Variants in ENTPD1 observed in about 807,000 individuals in gnomAD.
ENTPD1 encodes ATP diphosphohydrolase.
Under a neutral mutation model 57.0 loss-of-function variants are expected in ENTPD1, and 33 were observed. That is an observed-to-expected ratio of 0.58 (90% confidence interval 0.44 to 0.77). The LOEUF is 0.77. Among genes scored for constraint, ENTPD1 ranks in the 30% least tolerant of loss-of-function variants. ENTPD1 has a pLI of 0.00. For missense variants in ENTPD1, 501 were observed against 603.4 expected, an observed-to-expected ratio of 0.83 and a Z score of 1.78; for synonymous variants, 202 against 218.8, an observed-to-expected ratio of 0.92 and a Z score of 0.68.
At chr10:95,804,298 A>G (rs1400659064) in intron 1 of ENTPD1, among the ~76,000 whole-genome samples, 1 of 152,162 alleles carries the variant, frequency 6.6e-6, no homozygotes, top group African/African-American at 2.4e-5. Flanking sequence ...CTTGGGCAGC[A>G]TTGATTCTTC....
chr10:95,790,016 C>T (rs968003844), intron 1 of ENTPD1, among the ~76,000 whole-genome samples: 1 of 152,166 alleles, frequency 6.6e-6, no homozygotes, highest in Non-Finnish European at 1.5e-5. Context: ...TGAATAACAA[C>T]ATGGGACCCA....
At chr10:95,849,697 C>T (rs914796080) in intron 7 of ENTPD1, among the ~76,000 whole-genome samples, 1 of 152,258 alleles carries the variant, frequency 6.6e-6, no homozygotes, top group African/African-American at 2.4e-5. Context: ...GAGGGAAATA[C>T]ATGACAAGAC....
chr10:95,876,692 A>T lies in ENTPD1; in HGVS notation c.*10309A>T. 1 of 1,198,808 alleles carries T rather than the reference A, an allele frequency of 8.3e-7. No individual in the cohort carries two copies. The highest frequency in any genetic ancestry group is 1.6e-5 in the African/African-American group (1 of 63,764). The allele number at this position is 1,198,808 out of a possible 1,614,324, so 74.3% of individuals were successfully genotyped here. ...ACAGAAACAAACAAGTTATTTTAAA[A>T]CTTATTGGAATATTCAAATATTAAC... On this transcript the variant is annotated 3_prime_UTR_variant, in exon 10 of 10. Coordinates refer to ENST00000371205, the MANE Select transcript of ENTPD1 (RefSeq NM_001776.6).
intron 2 of ENTPD1, among the ~76,000 whole-genome samples, chr10:95,825,981 A>C (rs552373576): frequency 6.6e-6 from 1 of 152,304 alleles, no homozygotes; most frequent in South Asian, 2.1e-4. Context: ...ACAATTATTT[A>C]TTACACTCCA....
At chr10:95,821,349 G>A (rs569001017) in intron 1 of ENTPD1, among the ~76,000 whole-genome samples, 6 of 152,334 alleles carry the variant, frequency 3.9e-5, no homozygotes, top group Non-Finnish European at 5.9e-5. Flanking sequence ...AAGGACTCAC[G>A]TTCTCTACAT....
At chr10:95,806,818 A>T (rs892811835) in intron 1 of ENTPD1, among the ~76,000 whole-genome samples, 19 of 152,298 alleles carry the variant, frequency 1.2e-4, no homozygotes, top group Admixed American at 1.2e-3. Context: ...TCACCAGCGG[A>T]GGCTGCAGAA....
chr10:95,734,162 A>G (rs1000704229), intron 1 of ENTPD1, among the ~76,000 whole-genome samples: 1 of 152,156 alleles, frequency 6.6e-6, no homozygotes, highest in Non-Finnish European at 1.5e-5. Flanking sequence ...AGAATATCAG[A>G]TGGGATCAAG....
intron 1 of ENTPD1, among the ~76,000 whole-genome samples, chr10:95,743,997 CATATATATATATATAT>C (rs57187898): frequency 0.093 from 7,509 of 81,034 alleles, 450 homozygotes; most frequent in South Asian, 0.17. Flanking sequence ...TATTTTAAAC[CATATATATATATATAT>C]ATATATATAT....
Position 95,870,417 on chromosome 10 carries a change from G to C in ENTPD1, c.*4034G>C, listed in dbSNP as rs2098479141. The C allele has an allele frequency of 1.4e-6, 1 of 693,362 alleles. No individual in the cohort carries two copies. The highest frequency in any genetic ancestry group is 1.9e-5 in the African/African-American group (1 of 51,430). The allele number at this position is 693,362 out of a possible 1,614,324, so 43.0% of individuals were successfully genotyped here. A position where few individuals can be genotyped will look rare whatever the true frequency, so the allele number is the denominator to read the frequency against. ...CTACAGGTGTGCACCTAAGTAGCTA[G>C]GACTACAGGTGTGCACCACCATGTC... On this transcript the variant is annotated 3_prime_UTR_variant, in exon 10 of 10. Transcript: ENST00000371205.
At chr10:95,786,990 G>A (rs571539013) in intron 1 of ENTPD1, among the ~76,000 whole-genome samples, 7 of 152,236 alleles carry the variant, frequency 4.6e-5, no homozygotes, top group African/African-American at 1.7e-4. Flanking sequence ...TTTTACAGCT[G>A]AGGAAACAAG....
intron 1 of ENTPD1, among the ~76,000 whole-genome samples, chr10:95,769,762 T>C (rs2098107516): frequency 6.6e-6 from 1 of 152,108 alleles, no homozygotes; most frequent in Admixed American, 6.6e-5. Flanking sequence ...GTGGACACGG[T>C]GAAAAGTGAT....
intron 1 of ENTPD1, among the ~76,000 whole-genome samples, chr10:95,748,382 C>T (rs1177478490): frequency 6.6e-6 from 1 of 152,170 alleles, no homozygotes; most frequent in Non-Finnish European, 1.5e-5. Flanking sequence ...CACTTTTTCA[C>T]CAGGATTCTT....
At position 95,844,595 on chromosome 10, in the gene ENTPD1, G is replaced by T; in HGVS notation, c.533G>T (p.Gly178Val). The change falls in exon 5 of 10, where the codon GGC becomes GTC. Residue 178 changes from glycine (G) to valine (V), a missense_variant. Gly to Val is a moderately radical substitution (Grantham distance 109, BLOSUM62 -3). Coordinates refer to ENST00000371205, the MANE Select transcript of ENTPD1 (RefSeq NM_001776.6). ...ACTGGCCAAGAGGAAGGTGCCTATG[G>T]CTGGATTACTATCAACTATCTGCTG... is the stretch of plus-strand genomic sequence containing the variant. ...IITGQEEGAY[G>V]WITINYLLGK... The T allele has an allele frequency of 6.2e-7, 1 of 1,614,188 alleles. No individual in the cohort carries two copies. The highest frequency in any genetic ancestry group is 8.5e-7 in the Non-Finnish European group (1 of 1,180,036).
chr10:95,728,570 C>T (rs892730946), intron 1 of ENTPD1, among the ~76,000 whole-genome samples: 1 of 151,990 alleles, frequency 6.6e-6, no homozygotes, highest in African/African-American at 2.4e-5. Context: ...TTATGGATCC[C>T]ACGGTGTTAT....
At chr10:95,755,567 C>T (rs1002156714), upstream of ENTPD1, 3 of 754,736 alleles carry the variant, frequency 4.0e-6, no homozygotes, top group African/African-American at 5.3e-5. Context: ...GGCAGCGGTT[C>T]CCATTGAGCA....
In ENTPD1 at chr10:95,874,140, C is replaced by T. The variant is rs1481574987; in HGVS notation, c.*7757C>T. Among the ~76,000 whole-genome samples the T allele has an allele frequency of 6.6e-6, 1 of 152,176 alleles. No individual in the cohort carries two copies. The highest frequency in any genetic ancestry group is 1.5e-5 in the Non-Finnish European group (1 of 68,040). ...AGTTCCCCAAAGTCTTAACTCATTT[C>T]AGCATTAACCCAAAAGTCCACAGTC... On this transcript the variant is annotated 3_prime_UTR_variant, in exon 10 of 10. Coordinates refer to ENST00000371205, the MANE Select transcript of ENTPD1 (RefSeq NM_001776.6).
upstream of ENTPD1, chr10:95,755,922 G>A: frequency 6.7e-7 from 1 of 1,498,904 alleles, no homozygotes; most frequent in Non-Finnish European, 8.9e-7. Flanking sequence ...AGAGAGGGAA[G>A]AAGGGAGAAA....
At chr10:95,788,809 C>G (rs2098191191) in intron 1 of ENTPD1, among the ~76,000 whole-genome samples, 2 of 152,066 alleles carry the variant, frequency 1.3e-5, no homozygotes, top group Admixed American at 1.3e-4. Flanking sequence ...ATTATTTTCT[C>G]TATTTTCTAA....
At chr10:95,754,895 A>G (rs2098018506), upstream of ENTPD1, 1 of 152,258 alleles carries the variant, frequency 6.6e-6, no homozygotes. Context: ...CTAAAAGGTT[A>G]TCCTTTGTCC....
Sources: gnomAD v4.1 joint callset for allele counts (sites outside exome capture counted in the v4.1 genomes callset) on GRCh38, gnomAD v4.1.1 for gene constraint, MANE v1.5 for transcripts, NCBI Gene and HGNC (gene_info 2026-07-23, HGNC 2026-07-21) for gene names.